The following WDR70 variants were observed in gnomAD, a reference collection of about 807,000 sequenced individuals.
WDR70 encodes WD repeat-containing protein 70.
In WDR70, 53 loss-of-function variants were observed where a neutral mutation model predicts 88.6. The ratio of observed to expected loss-of-function variants is 0.60; its 90% CI spans 0.48 to 0.75. The LOEUF (loss-of-function observed/expected upper bound fraction) is 0.75, where lower values mean the gene tolerates loss of function less well. Among genes scored for constraint, WDR70 ranks in the 30% least tolerant of loss-of-function variants. WDR70 has a pLI of 0.00. For missense variants in WDR70, 610 were observed against 823.2 expected (o/e 0.74, Z 3.17); for synonymous variants, 280 against 270.0 (o/e 1.04, Z -0.36).
chr5:37,717,363 T>C (rs752765309), intron 13 of WDR70, among the ~76,000 whole-genome samples: 2 of 152,226 alleles, frequency 1.3e-5, no homozygotes, highest in African/African-American at 4.8e-5. Context: ...CATGATATAA[T>C]GTGAGGGCTT....
chr5:37,518,539 C>CT, intron 9 of WDR70, among the ~76,000 whole-genome samples: 1 of 152,162 alleles, frequency 6.6e-6, no homozygotes, highest in Non-Finnish European at 1.5e-5. Flanking sequence ...GGATCTCATT[C>CT]TTTTTTCATG....
chr5:37,511,222 G>A (rs1438606900), intron 8 of WDR70, among the ~76,000 whole-genome samples: 1 of 151,996 alleles, frequency 6.6e-6, no homozygotes, highest in African/African-American at 2.4e-5. Context: ...TTTATTTTAT[G>A]TTTATCAGTA....
chr5:37,380,170 A>G (rs1411670022), intron 2 of WDR70, among the ~76,000 whole-genome samples: 1 of 152,242 alleles, frequency 6.6e-6, no homozygotes, highest in South Asian at 2.1e-4. Context: ...AAAATTATAA[A>G]TGCTGTTCAT....
intron 9 of WDR70, among the ~76,000 whole-genome samples, chr5:37,554,593 C>T (rs1027309468): frequency 1.3e-5 from 2 of 151,860 alleles, no homozygotes; most frequent in Non-Finnish European, 2.9e-5. Context: ...TAAGCAGAAG[C>T]AGTGAACAGA....
intron 5 of WDR70, among the ~76,000 whole-genome samples, chr5:37,415,929 C>T (rs1473429454): frequency 2.6e-5 from 4 of 151,188 alleles, no homozygotes; most frequent in Non-Finnish European, 4.4e-5. Context: ...CGGGCAGAGA[C>T]GCTCCTCACT....
intron 10 of WDR70, among the ~76,000 whole-genome samples, chr5:37,624,124 G>C (rs527852769): frequency 2.6e-5 from 4 of 152,010 alleles, no homozygotes; most frequent in South Asian, 2.1e-4. Flanking sequence ...ATTCTGATGT[G>C]GTACAGAACA....
intron 8 of WDR70, among the ~76,000 whole-genome samples, chr5:37,509,596 T>C (rs973784327): frequency 6.6e-6 from 1 of 152,176 alleles, no homozygotes; most frequent in African/African-American, 2.4e-5. Context: ...ACTTAGAATA[T>C]GATTTTAGTG....
chr5:37,499,587 T>TTTTCTCTCTC (rs1554144047), intron 8 of WDR70, among the ~76,000 whole-genome samples: 1,004 of 41,774 alleles, frequency 0.024, 53 homozygotes, highest in Middle Eastern at 0.12. Context: ...TTTGGAAATA[T>TTTTCTCTCTC]TCTCTCTCTC....
Position 37,479,994 on chromosome 5 carries a change from A to AATGC in WDR70, c.840+7_840+8insATGC. The stretch of plus-strand genomic sequence containing the variant: ...GGACATGGCCAACACCAAGGTAAGC[A>AATGC]TTAAACAGAATATTTTAATGAATTA... On this transcript the variant is annotated splice_region_variant and intron_variant, in intron 8 of 17. Transcript: ENST00000265107. The AATGC allele has an allele frequency of 6.2e-7, 1 of 1,602,120 alleles. No homozygotes were observed. Among genetic ancestry groups the AATGC allele is most frequent in the Non-Finnish European group, 8.5e-7 (1 of 1,174,578 alleles).
chr5:37,450,205 CAT>C (rs1260183018), intron 7 of WDR70, among the ~76,000 whole-genome samples: 3 of 152,256 alleles, frequency 2.0e-5, no homozygotes, highest in East Asian at 1.9e-4. Context: ...CTGCAATAAA[CAT>C]ATGTGTGCAT....
At chr5:37,534,550 T>C (rs1479263941) in intron 9 of WDR70, among the ~76,000 whole-genome samples, 2 of 144,920 alleles carry the variant, frequency 1.4e-5, no homozygotes, top group African/African-American at 5.2e-5. Context: ...CAGGCTGGAG[T>C]GCAGAGGCAC....
chr5:37,723,038 A>G, intron 15 of WDR70, 104 bp downstream of exon 15: 2 of 1,404,948 alleles, frequency 1.4e-6, no homozygotes, highest in Non-Finnish European at 2.0e-6. Context: ...ATTCAGGCAT[A>G]TATTACAAAA....
intron 10 of WDR70, among the ~76,000 whole-genome samples, chr5:37,664,566 C>T (rs1274147183): frequency 6.6e-6 from 1 of 152,226 alleles, no homozygotes; most frequent in East Asian, 1.9e-4. Context: ...TCCTTCTGAA[C>T]CTATTAATAT....
At chr5:37,578,412 C>T (rs183651262) in intron 9 of WDR70, among the ~76,000 whole-genome samples, 35 of 152,244 alleles carry the variant, frequency 2.3e-4, no homozygotes, top group African/African-American at 5.8e-4. Flanking sequence ...TAGTGGATGT[C>T]GGAAAGTTGC....
At chr5:37,664,127 A>G (rs1314217975) in intron 10 of WDR70, among the ~76,000 whole-genome samples, 1 of 152,184 alleles carries the variant, frequency 6.6e-6, no homozygotes, top group African/African-American at 2.4e-5. Context: ...GCCCTCACCT[A>G]GAACACTGCA....
chr5:37,479,093 T>A (rs1439938538), intron 7 of WDR70, among the ~76,000 whole-genome samples: 1 of 152,072 alleles, frequency 6.6e-6, no homozygotes, highest in Non-Finnish European at 1.5e-5. Flanking sequence ...ATAAGTATGA[T>A]TTTCCATGGA....
At chr5:37,586,195 A>G (rs1217291290) in intron 9 of WDR70, among the ~76,000 whole-genome samples, 1 of 152,070 alleles carries the variant, frequency 6.6e-6, no homozygotes, top group African/African-American at 2.4e-5. Flanking sequence ...CTGTACTTAA[A>G]TAGCATTTTA....
Position 37,552,265 on chromosome 5 carries a change from G to A in WDR70, c.917+35675G>A, listed in dbSNP as rs146097711. ...AACCAGATGCATTTTAAATACAAAA[G>A]GCCAAGTTTGCTATTACTATCGCGC... is the stretch of plus-strand genomic sequence containing the variant. On this transcript the variant is annotated intron_variant, in intron 9 of 17. Transcript: ENST00000265107. 2.5e-3 allele frequency among the ~76,000 whole-genome samples: 374 copies of A among 152,184 alleles called. 1 individual carries two copies. Among genetic ancestry groups the A allele is most frequent in the African/African-American group, 8.6e-3 (359 of 41,536 alleles).
At chr5:37,466,520 G>A (rs1257163914) in intron 7 of WDR70, among the ~76,000 whole-genome samples, 1 of 151,448 alleles carries the variant, frequency 6.6e-6, no homozygotes, top group Non-Finnish European at 1.5e-5. Context: ...TCCTTACTAA[G>A]ATGGTGAAAC....
Sources: gnomAD v4.1 joint callset for allele counts (sites outside exome capture counted in the v4.1 genomes callset) on GRCh38, gnomAD v4.1.1 for gene constraint, MANE v1.5 for transcripts, NCBI Gene and HGNC (gene_info 2026-07-23, HGNC 2026-07-21) for gene names.